Variants in GRM5 observed in about 807,000 individuals in gnomAD.
The protein encoded by GRM5 is metabotropic glutamate receptor 5.
In GRM5, 19 loss-of-function variants were observed where a neutral mutation model predicts 83.1. The observed-to-expected ratio is 0.23, with a 90% CI of 0.16 to 0.34. The LOEUF (loss-of-function observed/expected upper bound fraction) is 0.34. Ranked by LOEUF, GRM5 falls within the 10% of genes least tolerant of loss-of-function variation. GRM5 has a pLI of 1.00. For missense variants in GRM5, 1,160 were observed against 1,588.3 expected, an observed-to-expected ratio of 0.73 and a Z score of 4.58; for synonymous variants, 675 against 633.6, an observed-to-expected ratio of 1.07 and a Z score of -0.98.
At chr11:88,617,734 A>G (rs1316505326) in intron 4 of GRM5, among the ~76,000 whole-genome samples, 2 of 152,054 alleles carry the variant, frequency 1.3e-5, no homozygotes, top group Admixed American at 1.3e-4. Flanking sequence ...TGTGCGGGGG[A>G]AAATTCTCTG....
intron 1 of GRM5, among the ~76,000 whole-genome samples, chr11:89,056,676 GC>G (rs1422004149): frequency 6.6e-6 from 1 of 152,042 alleles, no homozygotes; most frequent in Non-Finnish European, 1.5e-5. Context: ...TAATGGGGAG[GC>G]ATTAATTCTT....
chr11:88,570,045 AGAAGGG>A (rs1257831054), intron 7 of GRM5, among the ~76,000 whole-genome samples: 3 of 152,010 alleles, frequency 2.0e-5, no homozygotes, highest in Non-Finnish European at 2.9e-5. Context: ...CAAAGGAAAG[AGAAGGG>A]GAAGGGGAAA....
chr11:88,524,612 G>T (rs572991982), intron 9 of GRM5, among the ~76,000 whole-genome samples: 1 of 152,170 alleles, frequency 6.6e-6, no homozygotes, highest in East Asian at 1.9e-4. Flanking sequence ...CAAATACTCC[G>T]GTTTACTAGG....
intron 9 of GRM5, among the ~76,000 whole-genome samples, chr11:88,510,521 A>T (rs9704228): frequency 6.7e-6 from 1 of 149,398 alleles, no homozygotes; most frequent in Non-Finnish European, 1.5e-5. Context: ...TTTTTTTTTT[A>T]TTTTTTGTTT....
intron 3 of GRM5, among the ~76,000 whole-genome samples, chr11:88,771,140 T>G (rs1942728706): frequency 1.3e-5 from 2 of 152,136 alleles, no homozygotes; most frequent in African/African-American, 4.8e-5. Flanking sequence ...CTGTCGAGTA[T>G]GGTAGCTTCT....
At chr11:88,816,565 G>GAAAA (rs1356167418) in intron 3 of GRM5, among the ~76,000 whole-genome samples, 1 of 137,650 alleles carries the variant, frequency 7.3e-6, no homozygotes, top group Non-Finnish European at 1.5e-5. Flanking sequence ...GAAAAGAAAA[G>GAAAA]AAAAAGAAAT....
chr11:89,030,675 A>C (rs1941240686), intron 2 of GRM5, among the ~76,000 whole-genome samples: 1 of 152,082 alleles, frequency 6.6e-6, no homozygotes, highest in Non-Finnish European at 1.5e-5. Context: ...ATATATAAAA[A>C]CAAAGTCCTT....
At chr11:88,897,398 C>T (rs528517605) in intron 2 of GRM5, among the ~76,000 whole-genome samples, 39 of 151,954 alleles carry the variant, frequency 2.6e-4, no homozygotes, top group Middle Eastern at 6.8e-3. Flanking sequence ...CATAATGAAA[C>T]GTTTTTTCTT....
chr11:88,863,335 C>T (rs1437841498), intron 2 of GRM5, among the ~76,000 whole-genome samples: 1 of 151,508 alleles, frequency 6.6e-6, no homozygotes. Flanking sequence ...GCACTATTCA[C>T]AATAGTAAAG....
intron 3 of GRM5, among the ~76,000 whole-genome samples, chr11:88,849,270 A>G (rs1194269391): frequency 6.6e-6 from 1 of 151,966 alleles, no homozygotes; most frequent in Non-Finnish European, 1.5e-5. Context: ...TTTTGGTTTT[A>G]TTTCTCTGGA....
rs149807021 is a variant in GRM5 at position 89,006,812 on chromosome 11, T to G, written c.661+40400A>C. Among the ~76,000 whole-genome samples the G allele has an allele frequency of 4.4e-3, 672 of 152,318 alleles. 12 individuals are homozygous for G. The highest frequency in any genetic ancestry group is 7.5e-3 in the East Asian group (39 of 5,184). ...TGTTTTGTTTTGCTTTGTTTTGTTT[T>G]GTTTTGAGACAGATTCTCTCTGTCA... On this transcript the variant is annotated intron_variant, in intron 2 of 9. Transcript: ENST00000305447.
intron 3 of GRM5, among the ~76,000 whole-genome samples, chr11:88,777,459 A>G (rs932918919): frequency 6.6e-6 from 1 of 152,130 alleles, no homozygotes; most frequent in Non-Finnish European, 1.5e-5. Flanking sequence ...AAGTCATTCT[A>G]TGTCCAGCTT....
Position 88,611,999 on chromosome 11 carries a change from G to A in GRM5, c.1148-7035C>T, listed in dbSNP as rs1313431175. On this transcript the variant is annotated intron_variant, in intron 4 of 9. Transcript: ENST00000305447. Reference sequence around the variant, plus strand: ...TTTTTTATTATACTTTAAGTTTTAGGGTACATGTGCACATTGTGCAGGTTA... The same window carrying A: ...TTTTTTATTATACTTTAAGTTTTAGAGTACATGTGCACATTGTGCAGGTTA... 8.6e-5 allele frequency among the ~76,000 whole-genome samples: 13 copies of A among 150,694 alleles called. 1 individual carries two copies. The highest frequency in any genetic ancestry group is 8.6e-4 in the Admixed American group (13 of 15,126).
At chr11:88,686,218 T>C (rs1940618726) in intron 3 of GRM5, among the ~76,000 whole-genome samples, 1 of 152,142 alleles carries the variant, frequency 6.6e-6, no homozygotes, top group African/African-American at 2.4e-5. Flanking sequence ...TCAAAGGAGA[T>C]CATTTTGAAC....
chr11:89,053,996 T>C (rs890955367), intron 1 of GRM5, among the ~76,000 whole-genome samples: 5 of 152,200 alleles, frequency 3.3e-5, no homozygotes, highest in Non-Finnish European at 5.9e-5. Context: ...GTGGTGATGT[T>C]GAACCTGTTT....
chr11:88,786,321 A>G (rs1041626150), intron 3 of GRM5, among the ~76,000 whole-genome samples: 64 of 152,106 alleles, frequency 4.2e-4, no homozygotes, highest in African/African-American at 1.5e-3. Flanking sequence ...GCTCCCTTGC[A>G]CCACCCAGAA....
At chr11:88,634,882 A>G (rs1319650864) in intron 4 of GRM5, among the ~76,000 whole-genome samples, 2 of 152,310 alleles carry the variant, frequency 1.3e-5, no homozygotes, top group Admixed American at 6.5e-5. Flanking sequence ...TTGCACCATG[A>G]CATCACTAGG....
intron 2 of GRM5, among the ~76,000 whole-genome samples, chr11:88,853,877 T>C (rs1470371533): frequency 8.1e-6 from 1 of 123,980 alleles, no homozygotes. Context: ...AGTACACCCA[T>C]TAATAGAAAA....
At chr11:88,767,148 C>T (rs993065455) in intron 3 of GRM5, among the ~76,000 whole-genome samples, 5 of 151,728 alleles carry the variant, frequency 3.3e-5, no homozygotes, top group African/African-American at 4.8e-5. Flanking sequence ...TGTTCCTGGC[C>T]GAGAATGGCT....
Sources: allele counts gnomAD v4.1 joint callset (sites outside exome capture counted in the v4.1 genomes callset), GRCh38; gene constraint gnomAD v4.1.1; transcripts MANE v1.5; gene names NCBI Gene and HGNC (gene_info 2026-07-23, HGNC 2026-07-21).